The following SPATA13 variants were observed in gnomAD, a reference collection of about 807,000 sequenced individuals.
SPATA13 encodes spermatogenesis associated 13.
Under a neutral mutation model 104.0 loss-of-function variants are expected in SPATA13, and 50 were observed. The ratio of observed to expected loss-of-function variants is 0.48; its 90% CI spans 0.38 to 0.61. The LOEUF (loss-of-function observed/expected upper bound fraction) is 0.61. SPATA13 is among the 20% of genes least tolerant of loss of function. The pLI is 0.00. For missense variants in SPATA13, 1,524 were observed against 1,690.6 expected, an observed-to-expected ratio of 0.90 and a Z score of 1.73; for synonymous variants, 606 against 667.5, an observed-to-expected ratio of 0.91 and a Z score of 1.42.
intron 4 of SPATA13, among the ~76,000 whole-genome samples, chr13:24,283,828 T>C (rs938728141): frequency 1.3e-5 from 2 of 152,376 alleles, no homozygotes; most frequent in Non-Finnish European, 2.9e-5. Context: ...TCTATATTTA[T>C]GTTGTTAATA....
chr13:24,162,575 G>A (rs1332755141), intron 1 of SPATA13: 1 of 155,252 alleles, frequency 6.4e-6, no homozygotes, highest in Non-Finnish European at 1.5e-5. Context: ...TTTTCTTATT[G>A]AAGTCGTATC....
intron 3 of SPATA13, among the ~76,000 whole-genome samples, chr13:24,050,023 C>T (rs2861549): frequency 0.42 from 64,437 of 151,738 alleles, 15,173 homozygotes; most frequent in African/African-American, 0.64. Context: ...CAGGTGCCCA[C>T]CACCACGCCC....
At chr13:24,025,992 A>T (rs141020387) in intron 3 of SPATA13, among the ~76,000 whole-genome samples, 11 of 152,040 alleles carry the variant, frequency 7.2e-5, no homozygotes, top group Admixed American at 3.3e-4. Flanking sequence ...TTTAATAGAG[A>T]TGGGGTTTCA....
upstream of SPATA13, among the ~76,000 whole-genome samples, chr13:24,160,024 G>A (rs754058127): frequency 1.3e-5 from 2 of 152,170 alleles, no homozygotes; most frequent in Non-Finnish European, 2.9e-5. Flanking sequence ...CACAAGAAAG[G>A]TGATAGGCCT....
At chr13:24,053,004 T>A (rs1169225220) in intron 3 of SPATA13, among the ~76,000 whole-genome samples, 2 of 151,442 alleles carry the variant, frequency 1.3e-5, no homozygotes, top group Non-Finnish European at 2.9e-5. Flanking sequence ...CCAATTCTCT[T>A]GGATTTTCTC....
intron 1 of SPATA13, among the ~76,000 whole-genome samples, chr13:24,177,086 T>A (rs1053820128): frequency 2.6e-5 from 4 of 152,230 alleles, no homozygotes; most frequent in African/African-American, 9.6e-5. Flanking sequence ...CTTTTGTTAG[T>A]GAGCCTCCTT....
chr13:24,185,131 C>A (rs993759307), intron 1 of SPATA13, among the ~76,000 whole-genome samples: 1 of 152,170 alleles, frequency 6.6e-6, no homozygotes, highest in African/African-American at 2.4e-5. Flanking sequence ...TCCTTGTGTG[C>A]CACCTTTCCT....
At chr13:24,072,957 A>G (rs776343605) in intron 3 of SPATA13, among the ~76,000 whole-genome samples, 3 of 151,444 alleles carry the variant, frequency 2.0e-5, no homozygotes, top group Non-Finnish European at 2.9e-5. Context: ...CGCAAACTCT[A>G]TATGTGGGGT....
chr13:24,010,458 CTTT>C lies in SPATA13; in HGVS notation c.-146-7195_-146-7193del, dbSNP rs34740517. 8.8e-5 allele frequency among the ~76,000 whole-genome samples: 12 copies of C among 137,084 alleles called. No homozygotes were observed. The East Asian group carries it at 1.1e-3, about 12-fold the overall frequency. The allele number at this position is 137,084 out of a possible 152,430, so 89.9% of individuals were successfully genotyped here. A position where few individuals can be genotyped will look rare whatever the true frequency, so the allele number is the denominator to read the frequency against. The stretch of plus-strand genomic sequence containing the variant: ...GGCATATTGTGAGGGAGGTATGTAG[CTTT>C]TTTTTTTTTTTTTCATCTTTGTAGC... On this transcript the variant is annotated intron_variant, in intron 2 of 14. Coordinates refer to the SPATA13 transcript ENST00000424834.
chr13:24,109,364 G>T (rs1400383984), intron 3 of SPATA13, among the ~76,000 whole-genome samples: 7 of 152,164 alleles, frequency 4.6e-5, no homozygotes, highest in African/African-American at 1.7e-4. Flanking sequence ...ATCATTGATG[G>T]GCATTTGGGT....
intron 3 of SPATA13, among the ~76,000 whole-genome samples, chr13:24,086,333 C>T (rs1374601783): frequency 6.6e-6 from 1 of 152,176 alleles, no homozygotes; most frequent in African/African-American, 2.4e-5. Flanking sequence ...CTTTATCTGG[C>T]AGCCCAGGCA....
At chr13:24,211,233 G>A (rs1030219625) in intron 1 of SPATA13, among the ~76,000 whole-genome samples, 2 of 152,010 alleles carry the variant, frequency 1.3e-5, no homozygotes, top group South Asian at 4.1e-4. Flanking sequence ...TTTCTGATTC[G>A]GTTGCCTTTC....
intron 3 of SPATA13, among the ~76,000 whole-genome samples, chr13:24,102,475 C>CTTTTTT (rs34472292): frequency 8.3e-6 from 1 of 120,840 alleles, no homozygotes. Context: ...CACAGAATTT[C>CTTTTTT]TTTTTTTTTT....
At chr13:24,004,807 A>G (rs903155528) in intron 2 of SPATA13, among the ~76,000 whole-genome samples, 2 of 152,224 alleles carry the variant, frequency 1.3e-5, no homozygotes, top group East Asian at 1.9e-4. Context: ...AGTAAGATGC[A>G]AAAGGATACT....
At chr13:24,257,096 G>A (rs777764303) in intron 4 of SPATA13, among the ~76,000 whole-genome samples, 4 of 152,010 alleles carry the variant, frequency 2.6e-5, no homozygotes, top group Non-Finnish European at 4.4e-5. Flanking sequence ...TCCTTTAACC[G>A]GTCTGTTTAT....
rs1468365692 is a variant in SPATA13 at position 24,222,934 on chromosome 13, C to G, written c.5C>G (p.Thr2Ser). ...GACTCGGCAGTGCCCGTGGCCATGA[C>G]CCAGGCTGCCGTGCGGCCCTGGGCA... M[T>S]QAAVRPWAPC... The change falls in exon 2 of 13, where the codon ACC becomes AGC. Residue 2 changes from threonine (T) to serine (S), a missense_variant. Transcript: ENST00000382108. 6.4e-7 allele frequency: 1 copy of G among 1,551,028 alleles called. No individual in the cohort carries two copies. The highest frequency in any genetic ancestry group is 1.2e-5 in the South Asian group (1 of 84,022).
At chr13:24,262,132 G>A (rs990411064) in intron 4 of SPATA13, among the ~76,000 whole-genome samples, 1 of 152,142 alleles carries the variant, frequency 6.6e-6, no homozygotes, top group African/African-American at 2.4e-5. Context: ...CAACATTTAG[G>A]AAGTAGGGGA....
chr13:24,022,619 A>G (rs1289610242), intron 3 of SPATA13, among the ~76,000 whole-genome samples: 1 of 152,202 alleles, frequency 6.6e-6, no homozygotes, highest in Non-Finnish European at 1.5e-5. Flanking sequence ...TATGTTTTCC[A>G]CCACAATTTT....
At chr13:23,997,098 T>C (rs1875731660) in intron 2 of SPATA13, among the ~76,000 whole-genome samples, 1 of 152,224 alleles carries the variant, frequency 6.6e-6, no homozygotes, top group Non-Finnish European at 1.5e-5. Flanking sequence ...TCACGATTGA[T>C]AGAAATATCT....
Sources: allele counts gnomAD v4.1 joint callset (sites outside exome capture counted in the v4.1 genomes callset), GRCh38; gene constraint gnomAD v4.1.1; transcripts MANE v1.5; gene names NCBI Gene and HGNC (gene_info 2026-07-23, HGNC 2026-07-21).